Variants in PCDHGB3 observed in about 807,000 individuals in gnomAD.
PCDHGB3 encodes the protein protocadherin gamma subfamily B, 3.
PCDHGB3 carries 40 observed loss-of-function variants against 59.2 expected under a neutral mutation model. The observed-to-expected ratio is 0.68, with a 90% CI of 0.52 to 0.88. The LOEUF (loss-of-function observed/expected upper bound fraction) is 0.88. Among genes scored for constraint, PCDHGB3 ranks in the 40% least tolerant of loss-of-function variants. PCDHGB3 has a pLI of 0.00. For synonymous variants in PCDHGB3, 581 were observed against 503.6 expected, an observed-to-expected ratio of 1.15 and a Z score of -2.06; for missense variants, 1,309 against 1,187.9, an observed-to-expected ratio of 1.10 and a Z score of -1.50.
In PCDHGB3 at chr5:141,370,835, C is replaced by A; in HGVS notation, c.441C>A (p.Leu147=). ...ITELEISELA[L]TGATFALESA... is the part of the protein sequence containing the mutation. ...AGCTGGAAATCAGCGAACTGGCTCT[C>A]ACTGGAGCCACATTTGCCCTGGAAT... The change falls in exon 1 of 4, where the codon CTC becomes CTA. Residue 147 remains leucine (L), a synonymous_variant. Transcript: ENST00000576222. 6.2e-7 allele frequency: 1 copy of A among 1,613,964 alleles called. No individual in the cohort carries two copies. The highest frequency in any genetic ancestry group is 8.5e-7 in the Non-Finnish European group (1 of 1,179,824).
In PCDHGB3 at chr5:141,370,814, G is replaced by T; in HGVS notation, c.420G>T (p.Leu140=). Reference sequence around the variant, plus strand: ...CCTTTAGCCAAAATATCACTGAGCTGGAAATCAGCGAACTGGCTCTCACTG... The same window carrying T: ...CCTTTAGCCAAAATATCACTGAGCTTGAAATCAGCGAACTGGCTCTCACTG... ...PPTFSQNITE[L]EISELALTGA... is the part of the protein sequence containing the mutation. The change falls in exon 1 of 4, where the codon CTG becomes CTT. Residue 140 remains leucine, a synonymous_variant. Coordinates refer to ENST00000576222, the MANE Select transcript of PCDHGB3 (RefSeq NM_018924.5). 1 of 1,614,024 alleles carries T rather than the reference G, an allele frequency of 6.2e-7. No homozygotes were observed. Among genetic ancestry groups the T allele is most frequent in the Non-Finnish European group, 8.5e-7 (1 of 1,179,892 alleles).
intron 1 of PCDHGB3, chr5:141,394,079 G>A (rs375995047): frequency 5.0e-6 from 8 of 1,613,706 alleles, no homozygotes; most frequent in Non-Finnish European, 5.9e-6. Context: ...ATATCACAGT[G>A]ATGGCCTCAG....
At chr5:141,409,869 A>G (rs2095329006) in intron 1 of PCDHGB3, 2 of 1,612,632 alleles carry the variant, frequency 1.2e-6, no homozygotes, top group African/African-American at 1.3e-5. Context: ...GGAGACCGCA[A>G]TGACAACGCA....
chr5:141,403,259 C>G, intron 1 of PCDHGB3: 1 of 1,613,866 alleles, frequency 6.2e-7, no homozygotes, highest in South Asian at 1.1e-5. Context: ...CCCGCGGTGT[C>G]TGGTGAACTT....
chr5:141,458,514 T>G (rs1338106276), intron 1 of PCDHGB3, among the ~76,000 whole-genome samples: 1 of 129,036 alleles, frequency 7.7e-6, no homozygotes, highest in African/African-American at 3.6e-5. Context: ...TGACACTTTG[T>G]TTTTTTTTTT....
chr5:141,494,386 T>G (rs2099753905), intron 1 of PCDHGB3, among the ~76,000 whole-genome samples: 1 of 152,198 alleles, frequency 6.6e-6, no homozygotes, highest in African/African-American at 2.4e-5. Context: ...GCTGAGGAGT[T>G]GAATAAATTC....
In PCDHGB3 at chr5:141,489,459, C is replaced by A; in HGVS notation, c.2416-5348C>A. ...AATTGGGCTCTGAGGAGAATGGGCG[C>A]TATTTTTCCCTGAGCTTGATGAGTG... On this transcript the variant is annotated intron_variant, in intron 1 of 3. Transcript: ENST00000576222. The surrounding 1 kb of genome is among the most constrained non-coding windows in gnomAD (Gnocchi z 4.5). 1 of 1,614,086 alleles carries A rather than the reference C, an allele frequency of 6.2e-7. No individual in the cohort carries two copies. The highest frequency in any genetic ancestry group is 8.5e-7 in the Non-Finnish European group (1 of 1,180,012).
intron 1 of PCDHGB3, chr5:141,394,972 A>T (rs766374618): frequency 1.7e-5 from 28 of 1,613,900 alleles, no homozygotes; most frequent in Non-Finnish European, 2.3e-5. Flanking sequence ...AGGCGCTGGC[A>T]CAAGTCACGC....
chr5:141,428,563 G>A, intron 1 of PCDHGB3: 2 of 237,566 alleles, frequency 8.4e-6, no homozygotes, highest in East Asian at 1.1e-4. Flanking sequence ...CCCCCCACAA[G>A]ATCTTTCTAA....
chr5:141,476,666 G>C lies in PCDHGB3; in HGVS notation c.2416-18141G>C, dbSNP rs2099395856. On this transcript the variant is annotated intron_variant, in intron 1 of 3. Coordinates refer to ENST00000576222, the MANE Select transcript of PCDHGB3 (RefSeq NM_018924.5). This position sits in a 1 kb window ranked among gnomAD's most constrained non-coding sequence, Gnocchi z 7.6. The stretch of plus-strand genomic sequence containing the variant: ...CCGAAATGAATACTTTGCGCTTCGC[G>C]TGCAGACGCGGGAGGACAGCACCAA... 6.2e-7 allele frequency: 1 copy of C among 1,614,246 alleles called. No individual in the cohort carries two copies. The highest frequency in any genetic ancestry group is 8.5e-7 in the Non-Finnish European group (1 of 1,180,044).
chr5:141,489,178 C>T lies in PCDHGB3; in HGVS notation c.2416-5629C>T, dbSNP rs909255357. ...GAGACTTCAGCTGCTGCATTCCAAG[C>T]CCTGGGTCTACCTTGGAGACAGGAC... On this transcript the variant is annotated intron_variant, in intron 1 of 3. Transcript: ENST00000576222. This position sits in a 1 kb window ranked among gnomAD's most constrained non-coding sequence, Gnocchi z 4.5. 54 of 1,234,872 alleles carry T rather than the reference C, an allele frequency of 4.4e-5. 1 individual carries two copies. In the East Asian group the frequency reaches 1.2e-3, roughly 29 times the overall value. 76.5% of individuals were successfully genotyped at this position (1,234,872 alleles called of 1,614,324 possible). A position where few individuals can be genotyped will look rare whatever the true frequency, so the allele number is the denominator to read the frequency against.
Position 141,491,663 on chromosome 5 carries a change from T to G in PCDHGB3, c.2416-3144T>G, listed in dbSNP as rs895604632. ...GCTCTGGCGCTGGAGCCTGACGCCA[T>G]CCGGTCCCGCTCTAATACGCTGCGG... On this transcript the variant is annotated intron_variant, in intron 1 of 3. Coordinates refer to ENST00000576222, the MANE Select transcript of PCDHGB3 (RefSeq NM_018924.5). The surrounding 1 kb of genome is among the most constrained non-coding windows in gnomAD (Gnocchi z 6.9). The G allele has an allele frequency of 3.1e-6, 5 of 1,613,650 alleles. No homozygotes were observed. Among genetic ancestry groups the G allele is most frequent in the Non-Finnish European group, 4.2e-6 (5 of 1,180,014 alleles).
At chr5:141,456,171 A>ACAGGCG (rs1443838766) in intron 1 of PCDHGB3, among the ~76,000 whole-genome samples, 2 of 152,096 alleles carry the variant, frequency 1.3e-5, no homozygotes, top group East Asian at 3.9e-4. Flanking sequence ...TGCTGGGATT[A>ACAGGCG]CAGAATAATT....
chr5:141,390,346 A>C, intron 1 of PCDHGB3: 1 of 1,576,446 alleles, frequency 6.3e-7, no homozygotes, highest in African/African-American at 1.4e-5. Context: ...TCACAAGAAA[A>C]TATACATATT....
intron 1 of PCDHGB3, chr5:141,420,099 C>G: frequency 2.5e-6 from 4 of 1,613,996 alleles, no homozygotes; most frequent in Non-Finnish European, 3.4e-6. Context: ...AGTGAGGGAA[C>G]GTTGCCCTAT....
chr5:141,384,485 A>G (rs1410076707), intron 1 of PCDHGB3: 1 of 1,614,130 alleles, frequency 6.2e-7, no homozygotes, highest in Non-Finnish European at 8.5e-7. Context: ...AGAGAACTAC[A>G]ACTAAGAGTG....
Position 141,491,858 on chromosome 5 carries a change from A to G in PCDHGB3, c.2416-2949A>G, listed in dbSNP as rs17208425. 297,575 of 1,456,446 alleles carry G rather than the reference A, an allele frequency of 0.2. 31,644 individuals are homozygous for G. The highest frequency in any genetic ancestry group is 0.33 in the Admixed American group (11,758 of 35,494). 90.2% of individuals were successfully genotyped at this position (1,456,446 alleles called of 1,614,324 possible). On this transcript the variant is annotated intron_variant, in intron 1 of 3. Transcript: ENST00000576222. This position sits in a 1 kb window ranked among gnomAD's most constrained non-coding sequence, Gnocchi z 6.9. ...TCGGGATCATTGGACCGTTTGCGCG[A>G]AACCAGAGTGGCCGATTAAGGGATG... is the stretch of plus-strand genomic sequence containing the variant.
At chr5:141,434,521 T>G (rs2097700467) in intron 1 of PCDHGB3, among the ~76,000 whole-genome samples, 1 of 152,202 alleles carries the variant, frequency 6.6e-6, no homozygotes, top group Non-Finnish European at 1.5e-5. Flanking sequence ...AAAGGTGTTC[T>G]TAAACCACAA....
intron 1 of PCDHGB3, chr5:141,428,402 G>T (rs899477196): frequency 1.7e-5 from 8 of 479,776 alleles, no homozygotes; most frequent in African/African-American, 1.4e-4. Flanking sequence ...TCTGCCTGGG[G>T]TTGCTTTCAC....
Sources: allele counts gnomAD v4.1 joint callset (sites outside exome capture counted in the v4.1 genomes callset), GRCh38; gene constraint gnomAD v4.1.1; non-coding constraint Gnocchi (gnomAD v3.1); transcripts MANE v1.5; gene names NCBI Gene and HGNC (gene_info 2026-07-23, HGNC 2026-07-21).